SGCZ: variants seen among roughly 807,000 people sequenced by gnomAD.
The protein encoded by SGCZ is sarcoglycan zeta, also known as zeta-sarcoglycan.
SGCZ carries 40 observed loss-of-function variants against 41.3 expected under a neutral mutation model. The ratio of observed to expected loss-of-function variants is 0.97; its 90% CI spans 0.75 to 1.26. The LOEUF (loss-of-function observed/expected upper bound fraction) is 1.26. Ranked by LOEUF, SGCZ falls within the 50% of genes most tolerant of loss-of-function variation. SGCZ has a pLI of 0.00. For missense variants in SGCZ, 552 were observed against 369.8 expected (o/e 1.49, Z -4.04); for synonymous variants, 206 against 137.5 (o/e 1.50, Z -3.49).
chr8:14,964,901 C>T (rs1268829354), intron 1 of SGCZ, among the ~76,000 whole-genome samples: 1 of 152,104 alleles, frequency 6.6e-6, no homozygotes. Flanking sequence ...CATCATTTAG[C>T]ATCTTTTGAA....
At chr8:15,144,421 G>C (rs181322612) in intron 1 of SGCZ, among the ~76,000 whole-genome samples, 1 of 151,462 alleles carries the variant, frequency 6.6e-6, no homozygotes, top group Non-Finnish European at 1.5e-5. Context: ...TCATGCAACA[G>C]GCTCAGAAGT....
intron 1 of SGCZ, among the ~76,000 whole-genome samples, chr8:15,065,045 C>T (rs1242858194): frequency 6.6e-6 from 1 of 152,172 alleles, no homozygotes; most frequent in Non-Finnish European, 1.5e-5. Context: ...GCAAGGGAGA[C>T]TTCCAAATGC....
chr8:14,625,466 A>C (rs1034212937), intron 1 of SGCZ, among the ~76,000 whole-genome samples: 9 of 152,122 alleles, frequency 5.9e-5, no homozygotes, highest in African/African-American at 2.2e-4. Context: ...TAGTGTCCTT[A>C]CTCTCCTATG....
In SGCZ at chr8:14,542,197, G is replaced by T. The variant is rs116907388; in HGVS notation, c.234+12535C>A. On this transcript the variant is annotated intron_variant, in intron 2 of 7. Transcript: ENST00000382080. ...TTGCTTTTGATGTTTTAGTCATGAA[G>T]TCTTTGTCCATGCCTGTTTCCTGAA... 5.1e-4 allele frequency among the ~76,000 whole-genome samples: 78 copies of T among 152,160 alleles called. No homozygotes were observed. The East Asian group carries it at 0.015, about 28-fold the overall frequency.
At chr8:14,597,279 A>C (rs938960505) in intron 1 of SGCZ, among the ~76,000 whole-genome samples, 2 of 152,234 alleles carry the variant, frequency 1.3e-5, no homozygotes. Flanking sequence ...GTGTGGCACT[A>C]TGTGAAGTCC....
At chr8:14,125,391 C>G (rs900256339) in intron 5 of SGCZ, among the ~76,000 whole-genome samples, 1 of 151,706 alleles carries the variant, frequency 6.6e-6, no homozygotes, top group Non-Finnish European at 1.5e-5. Flanking sequence ...GTAGTCCCAG[C>G]TACTTGGGAG....
chr8:14,710,008 G>C (rs1809461697), intron 1 of SGCZ, among the ~76,000 whole-genome samples: 1 of 152,128 alleles, frequency 6.6e-6, no homozygotes, highest in African/African-American at 2.4e-5. Flanking sequence ...CACTCTAGAA[G>C]TCCATTAAGC....
intron 1 of SGCZ, among the ~76,000 whole-genome samples, chr8:15,111,332 C>G (rs1807044222): frequency 6.6e-6 from 1 of 152,130 alleles, no homozygotes; most frequent in Non-Finnish European, 1.5e-5. Context: ...TCCACTATAT[C>G]TCAGATGAAG....
In SGCZ at chr8:14,089,768, T is replaced by C. The variant is rs773569236; in HGVS notation, c.*675A>G. The C allele has an allele frequency of 2.6e-5, 4 of 152,084 alleles. No individual in the cohort carries two copies. The highest frequency in any genetic ancestry group is 5.9e-5 in the Non-Finnish European group (4 of 67,966). 9.4% of individuals were successfully genotyped at this position (152,084 alleles called of 1,614,324 possible). ...TTTTGTTAATTCTGTAAAGGATATA[T>C]TGCTGAGTGCTTTCAAAATTACCTG... On this transcript the variant is annotated 3_prime_UTR_variant, in exon 8 of 8. Transcript: ENST00000382080.
At position 14,085,529 on chromosome 8, in the gene SGCZ, T is replaced by C. The variant is rs1385248403; in HGVS notation, c.*4914A>G. ...TTCCTTTAATGGTTTTCATTGGCTTTCTCAAAATGCAGAGCCACCTCAGTT... is the reference window on the plus strand; with the variant it reads ...TTCCTTTAATGGTTTTCATTGGCTTCCTCAAAATGCAGAGCCACCTCAGTT... On this transcript the variant is annotated 3_prime_UTR_variant, in exon 8 of 8. Transcript: ENST00000382080. 6.6e-6 allele frequency among the ~76,000 whole-genome samples: 1 copy of C among 151,808 alleles called. No individual in the cohort carries two copies. Among genetic ancestry groups the C allele is most frequent in the Admixed American group, 6.6e-5 (1 of 15,192 alleles).
chr8:14,703,467 T>A (rs1409400812), intron 1 of SGCZ, among the ~76,000 whole-genome samples: 1 of 151,804 alleles, frequency 6.6e-6, no homozygotes, highest in Admixed American at 6.6e-5. Context: ...ATCTAGGGAG[T>A]CACTGTCAAC....
intron 1 of SGCZ, among the ~76,000 whole-genome samples, chr8:15,135,702 G>A (rs941209642): frequency 1.3e-5 from 2 of 152,134 alleles, no homozygotes; most frequent in Non-Finnish European, 1.5e-5. Context: ...TAGTACTGAT[G>A]CCGGGCAGGC....
intron 1 of SGCZ, among the ~76,000 whole-genome samples, chr8:14,929,148 C>T (rs931156542): frequency 5.3e-5 from 8 of 152,020 alleles, no homozygotes; most frequent in Admixed American, 6.5e-5. Flanking sequence ...TGCACCACCA[C>T]GCCCAGCTAA....
chr8:14,779,423 G>T (rs930482256), intron 1 of SGCZ, among the ~76,000 whole-genome samples: 1 of 152,090 alleles, frequency 6.6e-6, no homozygotes, highest in Admixed American at 6.6e-5. Flanking sequence ...ACCAAGGCCG[G>T]TCAAGCCTTC....
At chr8:15,134,379 A>T (rs1355301891) in intron 1 of SGCZ, among the ~76,000 whole-genome samples, 1 of 152,054 alleles carries the variant, frequency 6.6e-6, no homozygotes, top group African/African-American at 2.4e-5. Context: ...ACATGGTCAA[A>T]AAATTACCAG....
At chr8:14,264,608 C>T (rs1374669301) in intron 3 of SGCZ, among the ~76,000 whole-genome samples, 2 of 152,136 alleles carry the variant, frequency 1.3e-5, no homozygotes, top group Middle Eastern at 3.2e-3. Flanking sequence ...GAGGCAGTGA[C>T]CACCGGCTGA....
chr8:14,130,301 AC>A (rs1399322329), intron 5 of SGCZ, among the ~76,000 whole-genome samples: 2 of 152,042 alleles, frequency 1.3e-5, no homozygotes, highest in African/African-American at 2.4e-5. Flanking sequence ...GAAAAAAAAA[AC>A]AAATGATTCA....
chr8:14,821,483 T>C (rs1802082052), intron 1 of SGCZ, among the ~76,000 whole-genome samples: 1 of 152,082 alleles, frequency 6.6e-6, no homozygotes, highest in African/African-American at 2.4e-5. Context: ...AGCATTATCC[T>C]GATTCCAAAA....
intron 1 of SGCZ, among the ~76,000 whole-genome samples, chr8:14,938,033 C>G (rs532600057): frequency 1.3e-5 from 2 of 152,110 alleles, no homozygotes; most frequent in African/African-American, 4.8e-5. Context: ...AAAATTCACT[C>G]TGTAATTCTT....
Sources: allele counts gnomAD v4.1 joint callset (sites outside exome capture counted in the v4.1 genomes callset), GRCh38; gene constraint gnomAD v4.1.1; transcripts MANE v1.5; gene names NCBI Gene and HGNC (gene_info 2026-07-23, HGNC 2026-07-21).